The following RNF214 variants were observed in gnomAD, a reference collection of about 807,000 sequenced individuals.
RNF214 encodes the protein ring finger protein 214.
Under a neutral mutation model 75.9 loss-of-function variants are expected in RNF214, and 25 were observed. The ratio of observed to expected loss-of-function variants is 0.33; its 90% CI spans 0.24 to 0.46. The LOEUF is 0.46. Ranked by LOEUF, RNF214 falls within the 20% of genes least tolerant of loss-of-function variation. RNF214 has a pLI of 1.00. For synonymous variants in RNF214, 314 were observed against 308.8 expected, an observed-to-expected ratio of 1.02 and a Z score of -0.18; for missense variants, 725 against 857.5, an observed-to-expected ratio of 0.85 and a Z score of 1.93.
In RNF214 at chr11:117,238,882, C is replaced by G; in HGVS notation, c.389C>G (p.Pro130Arg). 2 of 1,614,222 alleles carry G rather than the reference C, an allele frequency of 1.2e-6. No homozygotes were observed. Among genetic ancestry groups the G allele is most frequent in the East Asian group, 2.2e-5 (1 of 44,884 alleles). ...GDTSLRESLH[P>R]VTRSLKAGCH... The stretch of plus-strand genomic sequence containing the variant: ...ACAAGCCTTCGGGAGAGCCTCCATC[C>G]AGTCACTCGGTCTCTTAAGGCAGGG... The change falls in exon 3 of 15, where the codon CCA (proline) becomes CGA (arginine). Residue 130 changes from proline (P) to arginine (R), a missense_variant. Pro to Arg is a moderately radical substitution (Grantham distance 103). This residue lies in a region of RNF214 where 362 missense variants were observed against 344.5 expected (regional missense o/e 1.05). Coordinates refer to ENST00000300650, the MANE Select transcript of RNF214 (RefSeq NM_207343.4).
chr11:117,248,690 A>G (rs916698229), intron 6 of RNF214, among the ~76,000 whole-genome samples: 10 of 152,180 alleles, frequency 6.6e-5, no homozygotes, highest in African/African-American at 2.2e-4. Flanking sequence ...ATAATTTTCC[A>G]GAAATTATGA....
intron 5 of RNF214, among the ~76,000 whole-genome samples, 187 bp from the exon 6 acceptor site, chr11:117,246,622 T>C (rs1379018752): frequency 6.6e-6 from 1 of 152,262 alleles, no homozygotes; most frequent in Non-Finnish European, 1.5e-5. Context: ...TCTGCATTAC[T>C]ATAACTTTCT....
Position 117,247,867 on chromosome 11 carries a change from A to AC in RNF214, c.959+919_959+920insC, listed in dbSNP as rs535939610. ...GTGAGACCCTGTCTCAAAAAAAAAA[A>AC]AAAACAAAACAAAAAAAAACAAAGT... On this transcript the variant is annotated intron_variant, in intron 6 of 14. Transcript: ENST00000300650. Among the ~76,000 whole-genome samples the AC allele has an allele frequency of 3.8e-3, 576 of 151,892 alleles. 2 individuals carry two copies. The highest frequency in any genetic ancestry group is 6.7e-3 in the Non-Finnish European group (454 of 67,920).
chr11:117,284,088 G>C (rs114890170), intron 14 of RNF214, among the ~76,000 whole-genome samples: 1 of 152,142 alleles, frequency 6.6e-6, no homozygotes. Flanking sequence ...TTCATACTGC[G>C]CACTAAATAA....
chr11:117,281,995 A>G lies in RNF214; in HGVS notation c.1437A>G (p.Ala479=), dbSNP rs559486678. 2.5e-6 allele frequency: 4 copies of G among 1,613,922 alleles called. No individual in the cohort carries two copies. Among genetic ancestry groups the G allele is most frequent in the Non-Finnish European group, 3.4e-6 (4 of 1,180,020 alleles). ...CAATGCCCATGGTTATGCCCAGTGC[A>G]GATCCCCGCTCCTTGTCTTTCCCAA... ...QVTMPMVMPS[A]DPRSLSFPIL... Residue 479 remains alanine (A), a synonymous_variant, in exon 11 of 15, where the codon GCA becomes GCG. Coordinates refer to ENST00000300650, the MANE Select transcript of RNF214 (RefSeq NM_207343.4).
chr11:117,252,738 T>C (rs771654836), intron 6 of RNF214, among the ~76,000 whole-genome samples: 2 of 151,932 alleles, frequency 1.3e-5, no homozygotes, highest in African/African-American at 2.4e-5. Context: ...GCCAGGATGG[T>C]CTCGCTCTCC....
intron 2 of RNF214, among the ~76,000 whole-genome samples, chr11:117,237,344 G>C (rs1319531161): frequency 6.6e-6 from 1 of 152,212 alleles, no homozygotes; most frequent in East Asian, 1.9e-4. Flanking sequence ...ACCTCCCAAA[G>C]TGTTGGGATT....
At chr11:117,239,925 A>G (rs1565328798) in intron 4 of RNF214, 65 bp downstream of exon 4, 1 of 880,904 alleles carries the variant, frequency 1.1e-6, no homozygotes, top group Non-Finnish European at 1.9e-6. Flanking sequence ...GAGGCATATC[A>G]TCTCAGTTGG....
In RNF214 at chr11:117,233,309, C is replaced by T. The variant is rs1431910830; in HGVS notation, c.-7+583C>T. ...AGCAATGGCGGTTTGGGCCCATTTT[C>T]TCCCAGGAGCTTTGTATAATGAGGG... On this transcript the variant is annotated intron_variant, in intron 1 of 14. Transcript: ENST00000300650. Among the ~76,000 whole-genome samples, 3 of 152,170 alleles carry T rather than the reference C, an allele frequency of 2.0e-5. No individual in the cohort carries two copies. In the East Asian group the frequency reaches 5.8e-4, roughly 29 times the overall value.
At chr11:117,257,330 T>C (rs1489964421) in intron 6 of RNF214, among the ~76,000 whole-genome samples, 1 of 152,128 alleles carries the variant, frequency 6.6e-6, no homozygotes, top group Non-Finnish European at 1.5e-5. Flanking sequence ...AGTGAGATCC[T>C]GTCTCAAAAA....
rs568483324 is a variant in RNF214 at position 117,252,082 on chromosome 11, TAGTC to T, written c.959+5135_959+5138del. On this transcript the variant is annotated intron_variant, in intron 6 of 14. Transcript: ENST00000300650. ...CGAGGTTTCACCATGTTGGCCAGGC[TAGTC>T]TTGAACACCTGACCTCAAGTGATGT... Among the ~76,000 whole-genome samples the T allele has an allele frequency of 4.5e-3, 692 of 152,282 alleles. 3 individuals are homozygous for T. The highest frequency in any genetic ancestry group is 6.7e-3 in the Non-Finnish European group (459 of 68,034).
At chr11:117,263,451 T>C (rs547415027) in intron 6 of RNF214, among the ~76,000 whole-genome samples, 1 of 152,066 alleles carries the variant, frequency 6.6e-6, no homozygotes, top group African/African-American at 2.4e-5. Flanking sequence ...AATTTTTGTA[T>C]TTTTAGTAGA....
chr11:117,282,298 T>A (rs533494435), intron 11 of RNF214, 28 bp downstream of exon 11: 5 of 1,579,726 alleles, frequency 3.2e-6, no homozygotes, highest in Non-Finnish European at 4.3e-6. Flanking sequence ...CTGATTCAGA[T>A]GTCTCTATCA....
At chr11:117,261,904 C>G (rs2033672773) in intron 6 of RNF214, among the ~76,000 whole-genome samples, 1 of 151,866 alleles carries the variant, frequency 6.6e-6, no homozygotes, top group Admixed American at 6.6e-5. Flanking sequence ...GCTCAGCCTC[C>G]CAAAGTGCTG....
Position 117,239,846 on chromosome 11 carries a change from A to G in RNF214, c.664A>G (p.Ile222Val), listed in dbSNP as rs1395333697. 1.3e-6 allele frequency: 2 copies of G among 1,547,300 alleles called. No individual in the cohort carries two copies. Among genetic ancestry groups the G allele is most frequent in the Non-Finnish European group, 8.9e-7 (1 of 1,119,524 alleles). The change falls in exon 4 of 15, where the codon ATT (isoleucine) becomes GTT (valine). Residue 222 changes from isoleucine (I) to valine (V), a missense_variant. Coordinates refer to ENST00000300650, the MANE Select transcript of RNF214 (RefSeq NM_207343.4). ...ADSEVNTDQD[I>V]EKNLDKMMTE... ...TTCAGAGGTAAACACAGATCAAGAT[A>G]TTGAAAAGAATTTGGTAAGTATTTA...
rs368714507 is a variant in RNF214 at position 117,279,990 on chromosome 11, G to T, written c.1042G>T (p.Ala348Ser). 5 of 1,612,456 alleles carry T rather than the reference G, an allele frequency of 3.1e-6. No individual in the cohort carries two copies. The highest frequency in any genetic ancestry group is 4.2e-6 in the Non-Finnish European group (5 of 1,179,184). ...GAACATTATGGAAGAGACTGAACGG[G>T]CCTGGAAGGCAGAGGTGAGAAGAGG... is the stretch of plus-strand genomic sequence containing the variant. Reference protein sequence around the residue: ...NRNIMEETERAWKAEILSLES... With the variant: ...NRNIMEETERSWKAEILSLES... The change falls in exon 7 of 15, where the codon GCC (alanine) becomes TCC (serine). Residue 348 changes from alanine (A) to serine (S), a missense_variant. Physicochemically the swap from Ala to Ser is moderately conservative, Grantham distance 99. Around this residue, in one of 2 missense-constraint regions of RNF214, gnomAD observed 363 missense variants for 513.0 expected, o/e 0.71. Coordinates refer to ENST00000300650, the MANE Select transcript of RNF214 (RefSeq NM_207343.4).
intron 6 of RNF214, among the ~76,000 whole-genome samples, chr11:117,277,822 A>C (rs2034043738): frequency 6.6e-6 from 1 of 151,866 alleles, no homozygotes; most frequent in Non-Finnish European, 1.5e-5. Context: ...AAATACAAAA[A>C]AAATTAGCTG....
intron 6 of RNF214, among the ~76,000 whole-genome samples, chr11:117,252,235 A>G (rs764709422): frequency 3.3e-5 from 5 of 152,240 alleles, no homozygotes; most frequent in Non-Finnish European, 7.3e-5. Flanking sequence ...GTATTTGACC[A>G]GTTAGGAGAC....
At chr11:117,257,416 T>C (rs893880149) in intron 6 of RNF214, among the ~76,000 whole-genome samples, 2 of 152,234 alleles carry the variant, frequency 1.3e-5, no homozygotes, top group Admixed American at 1.3e-4. Context: ...CTGATTATTT[T>C]GAGAAACAAA....
Sources: gnomAD v4.1 joint callset for allele counts (sites outside exome capture counted in the v4.1 genomes callset) on GRCh38, gnomAD v4.1.1 for gene constraint, gnomAD v4.1.1 regional missense constraint, MANE v1.5 for transcripts, NCBI Gene and HGNC (gene_info 2026-07-23, HGNC 2026-07-21) for gene names.